The following MYO15B variants were observed in gnomAD, a reference collection of about 807,000 sequenced individuals.
The protein encoded by MYO15B is myosin XVB.
Under a neutral mutation model 119.3 loss-of-function variants are expected in MYO15B, and 207 were observed. The ratio of observed to expected loss-of-function variants is 1.73; its 90% CI spans 1.55 to 1.95. The LOEUF (loss-of-function observed/expected upper bound fraction) is 1.95, where lower values mean the gene tolerates loss of function less well. MYO15B is among the 30% of genes most tolerant of loss of function. MYO15B has a pLI of 0.00. For missense variants in MYO15B, 2,264 were observed against 1,203.1 expected, an observed-to-expected ratio of 1.88 and a Z score of -13.04; for synonymous variants, 966 against 498.9, an observed-to-expected ratio of 1.94 and a Z score of -12.48.
At chr17:75,624,483 G>A in intron 57 of MYO15B, 36 bp downstream of exon 57, 1 of 703,006 alleles carries the variant, frequency 1.4e-6, no homozygotes, top group Non-Finnish European at 2.6e-6. Context: ...GAGGCCTTGG[G>A]CATCAGTTCT....
At chr17:75,590,078 G>A in exon 1 of MYO15B, 1 of 399,042 alleles carries the variant, frequency 2.5e-6, no homozygotes, top group East Asian at 3.6e-5. Flanking sequence ...GGCCTCCGTG[G>A]GTCCCTGAGG....
exon 61 of MYO15B, chr17:75,625,629 C>T (rs1228829210): frequency 2.8e-6 from 2 of 703,064 alleles, no homozygotes; most frequent in Non-Finnish European, 5.2e-6. Context: ...TGGAAGGACA[C>T]AGCCCCCAGG....
exon 11 of MYO15B, chr17:75,594,706 G>A (rs73366123): frequency 0.019 from 13,456 of 703,004 alleles, 1,059 homozygotes; most frequent in African/African-American, 0.18. Flanking sequence ...TCCAGGAGAC[G>A]CCCTATGGCC....
chr17:75,621,589 C>G lies in MYO15B; in HGVS notation c.8005+19C>G. 5.7e-6 allele frequency: 4 copies of G among 699,758 alleles called. No individual in the cohort carries two copies. The South Asian group carries it at 5.9e-5, about 10-fold the overall frequency. 43.3% of individuals were successfully genotyped at this position (699,758 alleles called of 1,614,324 possible). A position where few individuals can be genotyped will look rare whatever the true frequency, so the allele number is the denominator to read the frequency against. Reference sequence around the variant, plus strand: ...TTCCTGGGTGAGTGGCCACAGGCATCCTGGGTCCCCATGTCTGCAGTGCCA... The same window carrying G: ...TTCCTGGGTGAGTGGCCACAGGCATGCTGGGTCCCCATGTCTGCAGTGCCA... On this transcript the variant is annotated intron_variant, in intron 52 of 63. Transcript: ENST00000645453.
chr17:75,600,826 G>A (rs1432253731), intron 14 of MYO15B: 1 of 149,320 alleles, frequency 6.7e-6, no homozygotes, highest in Non-Finnish European at 1.5e-5. Flanking sequence ...GACCTCAGGT[G>A]ATCCACCTGC....
In MYO15B at chr17:75,618,525, T is replaced by C. The variant is rs139377699; in HGVS notation, c.6987+340T>C. 5.2e-3 allele frequency among the ~76,000 whole-genome samples: 789 copies of C among 152,332 alleles called. 4 individuals are homozygous for C. The Middle Eastern group carries it at 0.058, about 11-fold the overall frequency. ...AAAATCAGGCGTGGTGGCACGCACCTGTAACCCCAGCTACTTGGGAGGCTG... is the reference window on the plus strand; with the variant it reads ...AAAATCAGGCGTGGTGGCACGCACCCGTAACCCCAGCTACTTGGGAGGCTG... On this transcript the variant is annotated intron_variant, in intron 43 of 63. Transcript: ENST00000645453.
intron 28 of MYO15B, 24 bp from the exon 29 acceptor site, chr17:75,613,681 C>T (rs1235855957): frequency 1.7e-5 from 12 of 700,020 alleles, no homozygotes; most frequent in Admixed American, 2.0e-5. Context: ...CTCACTCTTG[C>T]CCCCGCCCCC....
At chr17:75,593,469 G>A (rs1354996865) in intron 9 of MYO15B, among the ~76,000 whole-genome samples, 1 of 151,962 alleles carries the variant, frequency 6.6e-6, no homozygotes, top group Non-Finnish European at 1.5e-5. Flanking sequence ...GTGGTGACAC[G>A]TGCCTGGATG....
intron 19 of MYO15B, 99 bp from the exon 20 acceptor site, chr17:75,605,405 C>T (rs896143292): frequency 3.2e-6 from 2 of 632,586 alleles, no homozygotes; most frequent in Non-Finnish European, 5.7e-6. Flanking sequence ...CCACTGTACT[C>T]CCGCCTGGGC....
intron 5 of MYO15B, 53 bp from the exon 6 acceptor site, chr17:75,591,924 G>T: frequency 1.4e-6 from 1 of 691,688 alleles, no homozygotes. Context: ...TGGGATGCCT[G>T]CTGGTGGGGG....
chr17:75,613,818 C>T, intron 29 of MYO15B, 41 bp downstream of exon 29: 1 of 683,226 alleles, frequency 1.5e-6, no homozygotes, highest in East Asian at 2.7e-5. Context: ...GCCAAAGTGA[C>T]CCTTGTCCTA....
At chr17:75,603,821 C>T (rs1311109331) in intron 19 of MYO15B, among the ~76,000 whole-genome samples, 1 of 152,212 alleles carries the variant, frequency 6.6e-6, no homozygotes, top group Non-Finnish European at 1.5e-5. Context: ...TGGCATTGTC[C>T]GTTTTGTTGT....
Position 75,615,967 on chromosome 17 carries a change from GAC to G in MYO15B, c.6030+87_6030+88del, listed in dbSNP as rs1568198408. The G allele has an allele frequency of 8.3e-6, 5 of 600,924 alleles. No individual in the cohort carries two copies. The East Asian group carries it at 1.4e-4, about 17-fold the overall frequency. The allele number at this position is 600,924 out of a possible 1,614,324, so 37.2% of individuals were successfully genotyped here. A position where few individuals can be genotyped will look rare whatever the true frequency, so the allele number is the denominator to read the frequency against. ...GGGACATGGGCAGGGTGAGTAGGCA[GAC>G]ACAGGGAAGAGGCTGCTGGCCCAGG... On this transcript the variant is annotated intron_variant, in intron 36 of 63. Transcript: ENST00000645453.
intron 3 of MYO15B, 48 bp from the exon 4 acceptor site, chr17:75,591,124 C>A (rs934284174): frequency 1.4e-6 from 1 of 702,026 alleles, no homozygotes; most frequent in African/African-American, 1.7e-5. Context: ...TGCTACACCT[C>A]GGAGGGTCCC....
exon 6 of MYO15B, chr17:75,592,029 T>C (rs866199664): frequency 5.7e-6 from 4 of 702,832 alleles, no homozygotes; most frequent in Middle Eastern, 2.3e-4. Context: ...AAGACCATCC[T>C]CAATGCCAAT....
At chr17:75,612,414 G>A (rs1286297691) in intron 25 of MYO15B, among the ~76,000 whole-genome samples, 2 of 152,202 alleles carry the variant, frequency 1.3e-5, no homozygotes, top group East Asian at 3.8e-4. Context: ...GCTCATGCTT[G>A]TAATCCCAGC....
At chr17:75,590,794 G>A (rs573920125) in intron 2 of MYO15B, 105 bp downstream of exon 2, 258 of 195,334 alleles carry the variant, frequency 1.3e-3, no homozygotes, top group Non-Finnish European at 2.3e-3. Flanking sequence ...TCCTCCCCGG[G>A]CTAGGCGGTG....
exon 1 of MYO15B, chr17:75,588,778 G>A (rs1013706047): frequency 2.5e-6 from 1 of 398,652 alleles, no homozygotes; most frequent in Non-Finnish European, 4.4e-6. Flanking sequence ...CGGGGACTCC[G>A]ACTCGAGTCC....
In MYO15B at chr17:75,618,252, A is replaced by C. The variant is rs544368530; in HGVS notation, c.6987+67A>C. ...ACAGCATCCTTCGTGCCCTTTGTCTAATGGCTGGGCCAGGTTAACACCACG... is the reference window on the plus strand; with the variant it reads ...ACAGCATCCTTCGTGCCCTTTGTCTCATGGCTGGGCCAGGTTAACACCACG... On this transcript the variant is annotated intron_variant, in intron 43 of 63. Transcript: ENST00000645453. 1.6e-4 allele frequency: 114 copies of C among 699,454 alleles called. No homozygotes were observed. In the African/African-American group the frequency reaches 1.8e-3, roughly 11 times the overall value. 43.3% of individuals were successfully genotyped at this position (699,454 alleles called of 1,614,324 possible).
Sources: allele counts gnomAD v4.1 joint callset (sites outside exome capture counted in the v4.1 genomes callset), GRCh38; gene constraint gnomAD v4.1.1; transcripts MANE v1.5; gene names NCBI Gene and HGNC (gene_info 2026-07-23, HGNC 2026-07-21).